VSIR: variants seen among roughly 807,000 people sequenced by gnomAD.
The protein encoded by VSIR is V-type immunoglobulin domain-containing suppressor of T-cell activation.
VSIR carries 10 observed loss-of-function variants against 31.0 expected under a neutral mutation model. That is an observed-to-expected ratio of 0.32 (90% CI 0.20 to 0.55). VSIR has a LOEUF of 0.55. VSIR is among the 20% of genes least tolerant of loss of function. The pLI is 0.93. For missense variants in VSIR, 356 were observed against 416.2 expected, an observed-to-expected ratio of 0.86 and a Z score of 1.26; for synonymous variants, 179 against 180.1, an observed-to-expected ratio of 0.99 and a Z score of 0.05.
intron 4 of VSIR, chr10:71,755,005 C>T (rs1017641238): frequency 1.2e-4 from 54 of 451,274 alleles, no homozygotes; most frequent in Admixed American, 3.9e-4. Flanking sequence ...ACAAAACAAG[C>T]ACGCCCATAC....
At chr10:71,759,046 G>GC in intron 3 of VSIR, among the ~76,000 whole-genome samples, 1 of 145,600 alleles carries the variant, frequency 6.9e-6, no homozygotes, top group South Asian at 2.2e-4. Flanking sequence ...ATTTTGGGTT[G>GC]TTTTTTTTTT....
At chr10:71,753,820 C>A in intron 4 of VSIR, 1 of 456,492 alleles carries the variant, frequency 2.2e-6, no homozygotes, top group Non-Finnish European at 4.4e-6. Flanking sequence ...GGAAGTTACC[C>A]AAAAGTTCCT....
intron 3 of VSIR, 68 bp from the exon 4 acceptor site, chr10:71,755,534 G>T: frequency 7.0e-7 from 1 of 1,437,356 alleles, no homozygotes; most frequent in Non-Finnish European, 9.6e-7. Context: ...ATAAACTGAG[G>T]CTCAGAGAGG....
In VSIR at chr10:71,761,892, A is replaced by G; in HGVS notation, c.217T>C (p.Tyr73His). ...TGCACCTCGCCCCTCGAGCTGCGGT[A>G]CCACGTCTTGTAGAAGGTCACATCG... The part of the protein sequence containing the change: ...GHDVTFYKTW[Y>H]RSSRGEVQTC... Residue 73 changes from tyrosine (Y) to histidine (H), a missense_variant, in exon 2 of 7, where the codon TAC becomes CAC. Physicochemically the swap from Tyr to His is moderately conservative, Grantham distance 83 (BLOSUM62 2). Transcript: ENST00000394957. 1.9e-6 allele frequency: 3 copies of G among 1,614,120 alleles called. No individual in the cohort carries two copies. Among genetic ancestry groups the G allele is most frequent in the Non-Finnish European group, 2.5e-6 (3 of 1,180,018 alleles).
chr10:71,773,154 T>C (rs1170513611), intron 1 of VSIR, among the ~76,000 whole-genome samples: 1 of 152,242 alleles, frequency 6.6e-6, no homozygotes, highest in Non-Finnish European at 1.5e-5. Flanking sequence ...CATGCAGATG[T>C]GCCCGATGCC....
intron 3 of VSIR, 23 bp downstream of exon 3, chr10:71,760,845 G>A: frequency 6.2e-7 from 1 of 1,607,374 alleles, no homozygotes; most frequent in Non-Finnish European, 8.5e-7. Flanking sequence ...GAACCCAAAA[G>A]GGGCAAGAGG....
At chr10:71,760,272 T>C (rs561519647) in intron 3 of VSIR, among the ~76,000 whole-genome samples, 2 of 114,932 alleles carry the variant, frequency 1.7e-5, no homozygotes, top group Non-Finnish European at 3.9e-5. Flanking sequence ...TATATACATA[T>C]ATATGTATGT....
At chr10:71,769,569 A>G (rs922818587) in intron 1 of VSIR, among the ~76,000 whole-genome samples, 1 of 152,238 alleles carries the variant, frequency 6.6e-6, no homozygotes, top group African/African-American at 2.4e-5. Context: ...CTAGGGAAAC[A>G]CCATCATGGA....
chr10:71,752,492 A>T (rs1213566379), intron 5 of VSIR, among the ~76,000 whole-genome samples: 1 of 152,148 alleles, frequency 6.6e-6, no homozygotes, highest in Admixed American at 6.5e-5. Context: ...TGCCCAGAGC[A>T]CACCAATACA....
intron 1 of VSIR, among the ~76,000 whole-genome samples, chr10:71,762,426 G>A (rs558252874): frequency 6.6e-6 from 1 of 152,260 alleles, no homozygotes; most frequent in Admixed American, 6.5e-5. Context: ...CAACACCTCT[G>A]CCCCTTCCTA....
At chr10:71,769,938 G>A (rs1840649005) in intron 1 of VSIR, among the ~76,000 whole-genome samples, 1 of 152,140 alleles carries the variant, frequency 6.6e-6, no homozygotes, top group Admixed American at 6.5e-5. Context: ...TTGCCTTCAA[G>A]TTGCAATGTC....
chr10:71,756,665 G>T (rs916824380), intron 3 of VSIR, among the ~76,000 whole-genome samples: 7 of 152,206 alleles, frequency 4.6e-5, no homozygotes, highest in South Asian at 2.1e-4. Flanking sequence ...CAGGAGTTTA[G>T]CTGGGAACAG....
rs1487599802 is a variant in VSIR at position 71,759,818 on chromosome 10, T to TAC, written c.568+1049_568+1050insGT. Reference sequence around the variant, plus strand: ...CAGAGTGAAACCGTGTTTCAGAAAATATACACACACACACACACACACACA... The same window carrying TAC: ...CAGAGTGAAACCGTGTTTCAGAAAATACATACACACACACACACACACACACA... On this transcript the variant is annotated intron_variant, in intron 3 of 6. Coordinates refer to ENST00000394957, the MANE Select transcript of VSIR (RefSeq NM_022153.2). 3.5e-4 allele frequency among the ~76,000 whole-genome samples: 18 copies of TAC among 50,788 alleles called. 1 individual carries two copies. Among genetic ancestry groups the TAC allele is most frequent in the African/African-American group, 1.3e-3 (17 of 13,304 alleles). 33.3% of individuals were successfully genotyped at this position (50,788 alleles called of 152,430 possible).
chr10:71,761,863 G>C lies in VSIR; in HGVS notation c.246C>G (p.Thr82=), dbSNP rs1163330356. 10 of 1,614,126 alleles carry C rather than the reference G, an allele frequency of 6.2e-6. No homozygotes were observed. The highest frequency in any genetic ancestry group is 8.5e-6 in the Non-Finnish European group (10 of 1,180,032). ...TGCGGATGGGCCGGCGCTCTGAGCA[G>C]GTCTGCACCTCGCCCCTCGAGCTGC... ...WYRSSRGEVQ[T]CSERRPIRNL... is the part of the protein sequence containing the mutation. The change falls in exon 2 of 7, where the codon ACC becomes ACG. Residue 82 remains threonine, a synonymous_variant. Transcript: ENST00000394957.
rs1839969795 is a variant in VSIR at position 71,750,523 on chromosome 10, G to C, written c.*730C>G. 1 of 152,284 alleles carries C rather than the reference G, an allele frequency of 6.6e-6. No homozygotes were observed. Among genetic ancestry groups the C allele is most frequent in the Non-Finnish European group, 1.5e-5 (1 of 68,076 alleles). 9.4% of individuals were successfully genotyped at this position (152,284 alleles called of 1,614,324 possible). On this transcript the variant is annotated 3_prime_UTR_variant, in exon 7 of 7. Coordinates refer to ENST00000394957, the MANE Select transcript of VSIR (RefSeq NM_022153.2). ...CCCTCAGCACCATCTCCAGTGGGTG[G>C]GGCAACATCTGTCCTGGCCTCAGAT...
rs151170391 is a variant in VSIR at position 71,751,847 on chromosome 10, A to G, written c.719T>C (p.Ile240Thr). The G allele has an allele frequency of 8.1e-4, 1,257 of 1,554,652 alleles. 13 individuals are homozygous for G. In the South Asian group the frequency reaches 9.8e-3, roughly 12 times the overall value. ...TGAGGCTTCAAAGCCGGGGTTTTCA[A>G]TCCCTTGAATGTTGCTGCCACAGAA... ...LVRMDSNIQGIENPGFEASPP... is the reference protein window; with the variant it reads ...LVRMDSNIQGTENPGFEASPP... Residue 240 changes from isoleucine to threonine, a missense_variant, in exon 6 of 7, where the codon ATT becomes ACT. This residue lies in a region of VSIR where 190 missense variants were observed against 185.2 expected (regional missense o/e 1.03). Coordinates refer to ENST00000394957, the MANE Select transcript of VSIR (RefSeq NM_022153.2). The surrounding 1 kb of genome is among the most constrained non-coding windows in gnomAD (Gnocchi z 4.9).
rs554122532 is a variant in VSIR at position 71,761,865 on chromosome 10, T to C, written c.244A>G (p.Thr82Ala). The change falls in exon 2 of 7, where the codon ACC becomes GCC. Residue 82 changes from threonine (T) to alanine (A), a missense_variant. By Grantham distance (58) the Thr-to-Ala change is moderately conservative (BLOSUM62 0). This residue lies in a region of VSIR where 166 missense variants were observed against 231.0 expected (regional missense o/e 0.72). Transcript: ENST00000394957. ...CGGATGGGCCGGCGCTCTGAGCAGG[T>C]CTGCACCTCGCCCCTCGAGCTGCGG... ...WYRSSRGEVQ[T>A]CSERRPIRNL... 4.8e-5 allele frequency: 78 copies of C among 1,614,098 alleles called. No homozygotes were observed. In the South Asian group the frequency reaches 8.0e-4, roughly 17 times the overall value.
intron 1 of VSIR, among the ~76,000 whole-genome samples, chr10:71,770,053 C>T (rs1458750388): frequency 3.3e-5 from 5 of 152,224 alleles, no homozygotes; most frequent in Non-Finnish European, 5.9e-5. Context: ...GCAGCCCATG[C>T]ACCCTTCATA....
rs565336305 is a variant in VSIR, at chr10:71,756,087, G to A, written c.569-621C>T. Among the ~76,000 whole-genome samples, 40 of 152,176 alleles carry A rather than the reference G, an allele frequency of 2.6e-4. 1 individual carries two copies. The South Asian group carries it at 7.7e-3, about 29-fold the overall frequency. Reference sequence around the variant, plus strand: ...CACACAAGTCACAGGAGAAACACCCGGGGTGAGAACTAGAAAAACGTGAAT... The same window carrying A: ...CACACAAGTCACAGGAGAAACACCCAGGGTGAGAACTAGAAAAACGTGAAT... On this transcript the variant is annotated intron_variant, in intron 3 of 6. Transcript: ENST00000394957.
Sources: gnomAD v4.1 joint callset for allele counts (sites outside exome capture counted in the v4.1 genomes callset) on GRCh38, gnomAD v4.1.1 for gene constraint, gnomAD v4.1.1 regional missense constraint, Gnocchi (gnomAD v3.1) non-coding constraint, MANE v1.5 for transcripts, NCBI Gene and HGNC (gene_info 2026-07-23, HGNC 2026-07-21) for gene names.